ITFG1: variants seen among roughly 807,000 people sequenced by gnomAD.
ITFG1 encodes integrin alpha FG-GAP repeat containing 1.
Under a neutral mutation model 81.8 loss-of-function variants are expected in ITFG1, and 34 were observed. The observed-to-expected ratio is 0.42, with a 90% CI of 0.32 to 0.55. The LOEUF (loss-of-function observed/expected upper bound fraction) is 0.55, where lower values mean the gene tolerates loss of function less well. Ranked by LOEUF, ITFG1 falls within the 20% of genes least tolerant of loss-of-function variation. The pLI is 0.17. For missense variants in ITFG1, 672 were observed against 755.4 expected (o/e 0.89, Z 1.29); for synonymous variants, 285 against 270.6 (o/e 1.05, Z -0.52).
chr16:47,325,811 C>A (rs1309839031), intron 8 of ITFG1, among the ~76,000 whole-genome samples: 1 of 152,134 alleles, frequency 6.6e-6, no homozygotes, highest in African/African-American at 2.4e-5. Flanking sequence ...ATAACAGGCT[C>A]TGAAACTGAG....
At chr16:47,333,123 G>A (rs1367509065) in intron 8 of ITFG1, among the ~76,000 whole-genome samples, 2 of 152,026 alleles carry the variant, frequency 1.3e-5, no homozygotes, top group Non-Finnish European at 2.9e-5. Context: ...TCCTGGGATG[G>A]AAGAAGGAAA....
chr16:47,226,703 T>G (rs1965762683), intron 13 of ITFG1, among the ~76,000 whole-genome samples: 1 of 151,996 alleles, frequency 6.6e-6, no homozygotes, highest in African/African-American at 2.4e-5. Context: ...CATAGTTATG[T>G]GAGGCTGAAT....
chr16:47,338,288 A>G (rs2151576423), intron 8 of ITFG1, among the ~76,000 whole-genome samples: 1 of 152,220 alleles, frequency 6.6e-6, no homozygotes, highest in South Asian at 2.1e-4. Flanking sequence ...GCAGGCGCGC[A>G]TAATCCCTAC....
chr16:47,235,513 G>T (rs2151533226), intron 13 of ITFG1, among the ~76,000 whole-genome samples: 1 of 152,254 alleles, frequency 6.6e-6, no homozygotes, highest in African/African-American at 2.4e-5. Flanking sequence ...AGCTAAAACT[G>T]AATATGAATA....
intron 6 of ITFG1, among the ~76,000 whole-genome samples, chr16:47,390,112 G>T (rs1230766170): frequency 2.6e-5 from 4 of 152,214 alleles, no homozygotes; most frequent in Non-Finnish European, 5.9e-5. Context: ...GATGTGTATG[G>T]AGAAGCATTC....
At chr16:47,234,612 T>C (rs1965853355) in intron 13 of ITFG1, among the ~76,000 whole-genome samples, 1 of 152,132 alleles carries the variant, frequency 6.6e-6, no homozygotes, top group Admixed American at 6.5e-5. Flanking sequence ...GCATATCATA[T>C]TCGAACCGCA....
At chr16:47,349,224 T>A (rs1428347856) in intron 8 of ITFG1, among the ~76,000 whole-genome samples, 2 of 152,170 alleles carry the variant, frequency 1.3e-5, no homozygotes, top group Non-Finnish European at 2.9e-5. Context: ...TAACATTACA[T>A]GTAAATGGGC....
chr16:47,339,447 G>A (rs988322729), intron 8 of ITFG1, among the ~76,000 whole-genome samples: 2 of 151,966 alleles, frequency 1.3e-5, no homozygotes, highest in Non-Finnish European at 2.9e-5. Flanking sequence ...TATGTTCAAA[G>A]GGCTAAAGAA....
At chr16:47,371,966 T>A (rs1968260935) in intron 7 of ITFG1, among the ~76,000 whole-genome samples, 1 of 150,940 alleles carries the variant, frequency 6.6e-6, no homozygotes, top group Admixed American at 6.6e-5. Flanking sequence ...CAGGCTGGAG[T>A]ACAGTGGTGC....
chr16:47,361,124 A>C (rs936679338), intron 8 of ITFG1, among the ~76,000 whole-genome samples: 2 of 152,276 alleles, frequency 1.3e-5, no homozygotes, highest in Middle Eastern at 3.4e-3. Context: ...ATCTGACTGA[A>C]AATTCCAAGG....
chr16:47,186,724 C>CA (rs1237485800), intron 14 of ITFG1, among the ~76,000 whole-genome samples: 1 of 152,202 alleles, frequency 6.6e-6, no homozygotes, highest in Non-Finnish European at 1.5e-5. Context: ...CCTCTCTCAC[C>CA]ACTCCTTTTC....
intron 5 of ITFG1, chr16:47,448,233 GCAAA>G (rs929712278): frequency 7.9e-5 from 12 of 151,984 alleles, no homozygotes; most frequent in South Asian, 2.1e-4. Context: ...TAATGTATCA[GCAAA>G]CAAACAAAAT....
At position 47,256,516 on chromosome 16, in the gene ITFG1, T is replaced by C. The variant is rs9939423; in HGVS notation, c.1330+2116A>G. 4.2e-3 allele frequency among the ~76,000 whole-genome samples: 640 copies of C among 152,362 alleles called. 5 individuals carry two copies. Among genetic ancestry groups the C allele is most frequent in the African/African-American group, 0.015 (611 of 41,584 alleles). Reference sequence around the variant, plus strand: ...TGAAGAAGGACAGAGATAAGGAATGTACTTCAACTCCAAAATTAACATCAT... The same window carrying C: ...TGAAGAAGGACAGAGATAAGGAATGCACTTCAACTCCAAAATTAACATCAT... On this transcript the variant is annotated intron_variant, in intron 12 of 17. Coordinates refer to ENST00000320640, the MANE Select transcript of ITFG1 (RefSeq NM_030790.5).
intron 6 of ITFG1, among the ~76,000 whole-genome samples, chr16:47,378,858 T>C (rs1264887981): frequency 6.6e-6 from 1 of 152,158 alleles, no homozygotes; most frequent in Non-Finnish European, 1.5e-5. Flanking sequence ...TTTTAATCAA[T>C]GAAGCAATAA....
At chr16:47,296,133 G>C (rs970264824) in intron 10 of ITFG1, among the ~76,000 whole-genome samples, 2 of 151,370 alleles carry the variant, frequency 1.3e-5, no homozygotes, top group African/African-American at 2.4e-5. Flanking sequence ...GGTAGGTCTC[G>C]CTATGTTGGC....
intron 8 of ITFG1, among the ~76,000 whole-genome samples, chr16:47,350,838 C>A (rs1164304278): frequency 6.6e-6 from 1 of 152,148 alleles, no homozygotes; most frequent in Admixed American, 6.5e-5. Flanking sequence ...AAACCGAATC[C>A]AGCAGTACAT....
intron 5 of ITFG1, among the ~76,000 whole-genome samples, chr16:47,440,950 AAAG>A: frequency 6.6e-6 from 1 of 152,186 alleles, no homozygotes; most frequent in African/African-American, 2.4e-5. Context: ...CAAGACTAAT[AAAG>A]AAGAAAAGAG....
intron 5 of ITFG1, among the ~76,000 whole-genome samples, chr16:47,441,589 T>C (rs997657183): frequency 2.6e-5 from 4 of 152,196 alleles, no homozygotes; most frequent in Non-Finnish European, 4.4e-5. Context: ...CACATGGTTA[T>C]CTCAATAGAT....
At chr16:47,385,142 C>T (rs1394067578) in intron 6 of ITFG1, among the ~76,000 whole-genome samples, 1 of 152,150 alleles carries the variant, frequency 6.6e-6, no homozygotes, top group Non-Finnish European at 1.5e-5. Flanking sequence ...TAGTGAAATG[C>T]TAACATTACC....
Sources: gnomAD v4.1 joint callset for allele counts (sites outside exome capture counted in the v4.1 genomes callset) on GRCh38, gnomAD v4.1.1 for gene constraint, MANE v1.5 for transcripts, NCBI Gene and HGNC (gene_info 2026-07-23, HGNC 2026-07-21) for gene names.